Variants in KCNK2 observed in about 807,000 individuals in gnomAD.
KCNK2 encodes the protein potassium two pore domain channel subfamily K member 2.
Under a neutral mutation model 40.5 loss-of-function variants are expected in KCNK2, and 21 were observed. The observed-to-expected ratio is 0.52, with a 90% CI of 0.37 to 0.75. The LOEUF is 0.75. Ranked by LOEUF, KCNK2 falls within the 30% of genes least tolerant of loss-of-function variation. The pLI is 0.00. For missense variants in KCNK2, 399 were observed against 531.6 expected (o/e 0.75, Z 2.45); for synonymous variants, 191 against 202.2 (o/e 0.94, Z 0.47).
chr1:215,083,264 C>G lies in KCNK2; in HGVS notation c.-122C>G. The G allele has an allele frequency of 6.3e-7, 1 of 1,591,988 alleles. No homozygotes were observed. Among genetic ancestry groups the G allele is most frequent in the South Asian group, 1.1e-5 (1 of 90,618 alleles). ...TGTAAAACAAAGCCGGGGAAAATGCCTGCCCGTGCAGCTCGGAGCGCGCAG... is the reference window on the plus strand; with the variant it reads ...TGTAAAACAAAGCCGGGGAAAATGCGTGCCCGTGCAGCTCGGAGCGCGCAG... On this transcript the variant is annotated 5_prime_UTR_variant, in exon 1 of 7. Transcript: ENST00000444842.
At chr1:215,021,838 T>A (rs1351883949) in intron 1 of KCNK2, among the ~76,000 whole-genome samples, 1 of 152,110 alleles carries the variant, frequency 6.6e-6, no homozygotes, top group Non-Finnish European at 1.5e-5. Flanking sequence ...CGTGAGCCAC[T>A]GCGCCCGGCC....
chr1:215,146,667 G>A (rs1426399102), intron 3 of KCNK2, among the ~76,000 whole-genome samples: 3 of 152,144 alleles, frequency 2.0e-5, no homozygotes, highest in Admixed American at 6.6e-5. Context: ...ATATGTTGTA[G>A]TTATGCAACT....
intron 6 of KCNK2, among the ~76,000 whole-genome samples, chr1:215,216,398 A>C (rs956474202): frequency 9.1e-6 from 1 of 109,630 alleles, no homozygotes; most frequent in Admixed American, 1.2e-4. Flanking sequence ...TAGTGCATAT[A>C]ATGTATTAAT....
Position 215,236,328 on chromosome 1 carries a change from G to A in KCNK2, c.*1183G>A, listed in dbSNP as rs531311006. ...GCCAGATGAGAGGAGGTGGCACAGT[G>A]GTGAGTGCAGGGCACAGTCCTAGCC... is the stretch of plus-strand genomic sequence containing the variant. On this transcript the variant is annotated 3_prime_UTR_variant, in exon 7 of 7. Transcript: ENST00000444842. 1.3e-5 allele frequency: 2 copies of A among 152,654 alleles called. No homozygotes were observed. The highest frequency in any genetic ancestry group is 2.9e-5 in the Non-Finnish European group (2 of 68,060). The allele number at this position is 152,654 out of a possible 1,614,324, so 9.5% of individuals were successfully genotyped here. A position where few individuals can be genotyped will look rare whatever the true frequency, so the allele number is the denominator to read the frequency against.
intron 3 of KCNK2, among the ~76,000 whole-genome samples, chr1:215,129,901 A>G (rs1218342817): frequency 1.3e-5 from 2 of 152,192 alleles, no homozygotes. Context: ...GTGGTATAAT[A>G]CAAAAATATA....
At chr1:215,117,512 GC>G (rs1660998993) in intron 2 of KCNK2, among the ~76,000 whole-genome samples, 1 of 152,190 alleles carries the variant, frequency 6.6e-6, no homozygotes, top group Non-Finnish European at 1.5e-5. Context: ...ATATCATACT[GC>G]AGTGAAATTT....
chr1:215,181,560 T>C (rs1206782745), intron 5 of KCNK2, among the ~76,000 whole-genome samples: 2 of 152,210 alleles, frequency 1.3e-5, no homozygotes, highest in African/African-American at 4.8e-5. Context: ...TGTTGCTATG[T>C]TCCTCTTTTC....
intron 2 of KCNK2, among the ~76,000 whole-genome samples, chr1:215,088,260 G>A (rs1008423415): frequency 6.6e-6 from 1 of 152,146 alleles, no homozygotes; most frequent in Non-Finnish European, 1.5e-5. Flanking sequence ...AGCAGTAAAA[G>A]CTTCAACTTT....
chr1:215,083,194 T>TCCCCCCCCCCCCCCCCCCCCCCTC lies in KCNK2; in HGVS notation c.-183_-182insCCCCCCCCCCCCCTCCCCCCCCCC. The TCCCCCCCCCCCCCCCCCCCCCCTC allele has an allele frequency of 2.0e-6, 1 of 501,814 alleles. No homozygotes were observed. Among genetic ancestry groups the TCCCCCCCCCCCCCCCCCCCCCCTC allele is most frequent in the Non-Finnish European group, 3.3e-6 (1 of 301,554 alleles). The allele number at this position is 501,814 out of a possible 1,614,324, so 31.1% of individuals were successfully genotyped here. A position where few individuals can be genotyped will look rare whatever the true frequency, so the allele number is the denominator to read the frequency against. ...CCCGCGATTTCGTTTCTTCTCACGC[T>TCCCCCCCCCCCCCCCCCCCCCCTC]CCCCCCCCCGCCCCCTCCCGCGTCC... On this transcript the variant is annotated 5_prime_UTR_variant, in exon 1 of 7. Coordinates refer to ENST00000444842, the MANE Select transcript of KCNK2 (RefSeq NM_001017425.3).
chr1:215,153,703 G>A lies in KCNK2; in HGVS notation c.476-15496G>A, dbSNP rs560739941. Among the ~76,000 whole-genome samples, 4 of 152,018 alleles carry A rather than the reference G, an allele frequency of 2.6e-5. No homozygotes were observed. In the East Asian group the frequency reaches 7.7e-4, roughly 29 times the overall value. On this transcript the variant is annotated intron_variant, in intron 3 of 6. Coordinates refer to ENST00000444842, the MANE Select transcript of KCNK2 (RefSeq NM_001017425.3). ...TACATAGGTATACGTGTGCCATGGT[G>A]GTTTGCTGCACCTATGGACCTGTCC...
At chr1:215,037,162 GT>G (rs1657417193) in intron 1 of KCNK2, among the ~76,000 whole-genome samples, 1 of 151,402 alleles carries the variant, frequency 6.6e-6, no homozygotes, top group African/African-American at 2.4e-5. Context: ...AGGTTTTAGT[GT>G]TTCTTGTTTG....
intron 1 of KCNK2, among the ~76,000 whole-genome samples, chr1:215,049,417 C>A (rs777926661): frequency 5.3e-5 from 8 of 152,052 alleles, no homozygotes; most frequent in Non-Finnish European, 7.4e-5. Context: ...ATATGGTTTA[C>A]AAATATTTCC....
chr1:215,154,881 A>T (rs570268405), intron 3 of KCNK2, among the ~76,000 whole-genome samples: 56 of 152,278 alleles, frequency 3.7e-4, no homozygotes, highest in African/African-American at 1.1e-3. Flanking sequence ...CGAAGATCAG[A>T]TGGTTGTAGA....
intron 2 of KCNK2, among the ~76,000 whole-genome samples, chr1:215,116,519 T>C (rs543288082): frequency 1.3e-5 from 2 of 152,220 alleles, no homozygotes; most frequent in South Asian, 4.1e-4. Flanking sequence ...TTTAAGCTTT[T>C]GTTTCTACTA....
chr1:215,023,216 T>A (rs2841604), intron 1 of KCNK2, among the ~76,000 whole-genome samples: 66,722 of 151,924 alleles, frequency 0.44, 16,345 homozygotes, highest in Non-Finnish European at 0.55. Context: ...TATTATTATT[T>A]TTTTTGTATC....
chr1:215,100,701 G>A (rs1019436307), intron 2 of KCNK2, among the ~76,000 whole-genome samples: 3 of 151,984 alleles, frequency 2.0e-5, no homozygotes, highest in African/African-American at 7.2e-5. Flanking sequence ...TCTCAGAAAG[G>A]GAGGCAGGCT....
At chr1:215,223,877 G>T in intron 6 of KCNK2, among the ~76,000 whole-genome samples, 1 of 151,888 alleles carries the variant, frequency 6.6e-6, no homozygotes, top group East Asian at 1.9e-4. Context: ...AAAGTATGCT[G>T]GGTAAAAAAA....
intron 1 of KCNK2, among the ~76,000 whole-genome samples, chr1:215,086,041 G>A (rs571094325): frequency 7.2e-4 from 110 of 152,168 alleles, no homozygotes; most frequent in Non-Finnish European, 1.0e-3. Flanking sequence ...TTTGTGGACC[G>A]GCACAGTGGA....
intron 3 of KCNK2, among the ~76,000 whole-genome samples, chr1:215,152,270 A>T (rs1662718426): frequency 6.6e-6 from 1 of 152,074 alleles, no homozygotes; most frequent in Admixed American, 6.6e-5. Flanking sequence ...ATTATGATGG[A>T]GGTAGAGAAA....
Sources: allele counts gnomAD v4.1 joint callset (sites outside exome capture counted in the v4.1 genomes callset), GRCh38; gene constraint gnomAD v4.1.1; transcripts MANE v1.5; gene names NCBI Gene and HGNC (gene_info 2026-07-23, HGNC 2026-07-21).